Variants in BACH2 observed in about 807,000 individuals in gnomAD.
The protein encoded by BACH2 is BACH transcriptional regulator 2, also known as transcription regulator protein BACH2.
Under a neutral mutation model 61.8 loss-of-function variants are expected in BACH2, and 5 were observed. That is an observed-to-expected ratio of 0.08 (90% CI 0.04 to 0.17). The LOEUF (loss-of-function observed/expected upper bound fraction) is 0.17, where lower values mean the gene tolerates loss of function less well. Ranked by LOEUF, BACH2 falls within the 10% of genes least tolerant of loss-of-function variation. The probability of loss-of-function intolerance (pLI) is 1.00; values close to 1 mark genes in which losing one functional copy is unlikely to be tolerated. For missense variants in BACH2, 824 were observed against 1,091.1 expected (o/e 0.76, Z 3.45); for synonymous variants, 446 against 440.1 (o/e 1.01, Z -0.17).
chr6:90,263,149 C>G (rs1436960704), intron 2 of BACH2, among the ~76,000 whole-genome samples: 5 of 152,096 alleles, frequency 3.3e-5, no homozygotes, highest in Admixed American at 2.0e-4. Context: ...ATGCATCTCA[C>G]CCCTGATCAG....
chr6:90,030,463 T>TAA (rs1463265577), intron 5 of BACH2, among the ~76,000 whole-genome samples: 3 of 151,974 alleles, frequency 2.0e-5, no homozygotes, highest in Admixed American at 2.0e-4. Context: ...CTAGCAAGAC[T>TAA]AATCAAGAAG....
At chr6:90,046,910 T>C (rs982854051) in intron 5 of BACH2, among the ~76,000 whole-genome samples, 4 of 145,376 alleles carry the variant, frequency 2.8e-5, no homozygotes, top group Non-Finnish European at 4.5e-5. Flanking sequence ...CCCAGGCCAA[T>C]TGCCCATGTA....
intron 4 of BACH2, among the ~76,000 whole-genome samples, chr6:90,150,214 T>C (rs1168669739): frequency 6.6e-6 from 1 of 152,158 alleles, no homozygotes; most frequent in Non-Finnish European, 1.5e-5. Context: ...TATAATCACA[T>C]GCACTACTCT....
chr6:90,000,398 CT>C (rs769800347), intron 6 of BACH2, among the ~76,000 whole-genome samples: 1 of 152,064 alleles, frequency 6.6e-6, no homozygotes, highest in Non-Finnish European at 1.5e-5. Flanking sequence ...TATTTATTTG[CT>C]TTTTTTTCAT....
chr6:90,146,236 C>T (rs1784615192), intron 4 of BACH2, among the ~76,000 whole-genome samples: 1 of 152,204 alleles, frequency 6.6e-6, no homozygotes, highest in Non-Finnish European at 1.5e-5. Flanking sequence ...CTCTGTTGAA[C>T]TCTATGACAT....
intron 6 of BACH2, among the ~76,000 whole-genome samples, chr6:89,969,937 G>C (rs1489157000): frequency 1.3e-5 from 2 of 152,168 alleles, no homozygotes. Flanking sequence ...GTTAGAGTAA[G>C]AGAATTTTAG....
chr6:89,945,046 A>G (rs552792426), intron 7 of BACH2, among the ~76,000 whole-genome samples: 200 of 152,364 alleles, frequency 1.3e-3, no homozygotes, highest in African/African-American at 4.5e-3. Flanking sequence ...GATGCAGAGA[A>G]ACTGGATCCT....
intron 6 of BACH2, among the ~76,000 whole-genome samples, chr6:89,960,668 C>G (rs970087420): frequency 2.6e-5 from 4 of 152,222 alleles, no homozygotes; most frequent in Non-Finnish European, 4.4e-5. Context: ...CTACGAAGCC[C>G]TTTTACCACA....
intron 1 of BACH2, among the ~76,000 whole-genome samples, chr6:90,289,989 C>T (rs7742121): frequency 0.11 from 17,351 of 152,258 alleles, 1,083 homozygotes; most frequent in South Asian, 0.15. Flanking sequence ...ATGAACAGTA[C>T]TCTTGGCAGT....
intron 2 of BACH2, among the ~76,000 whole-genome samples, chr6:90,265,815 C>A (rs561217757): frequency 1.6e-4 from 24 of 152,252 alleles, no homozygotes; most frequent in East Asian, 5.8e-4. Flanking sequence ...ATGTCCTGGG[C>A]ACCAGATAGA....
intron 4 of BACH2, among the ~76,000 whole-genome samples, chr6:90,092,071 G>A (rs1782180645): frequency 6.6e-6 from 1 of 151,612 alleles, no homozygotes; most frequent in East Asian, 1.9e-4. Context: ...TTTCCAAAGG[G>A]CCTAACTGCT....
chr6:90,137,535 G>C (rs1784313257), intron 4 of BACH2, among the ~76,000 whole-genome samples: 1 of 152,102 alleles, frequency 6.6e-6, no homozygotes, highest in Non-Finnish European at 1.5e-5. Context: ...ACCAAACCAG[G>C]CTCCAGTCTC....
intron 3 of BACH2, among the ~76,000 whole-genome samples, chr6:90,244,555 G>A (rs1231005866): frequency 6.6e-6 from 1 of 152,158 alleles, no homozygotes. Context: ...TGCTTCTGGG[G>A]TCTCCATTTG....
chr6:90,270,245 T>A (rs1352662358), intron 2 of BACH2, among the ~76,000 whole-genome samples: 1 of 152,206 alleles, frequency 6.6e-6, no homozygotes, highest in Non-Finnish European at 1.5e-5. Flanking sequence ...GGGTAGATAA[T>A]AGTGGGATTG....
intron 4 of BACH2, among the ~76,000 whole-genome samples, chr6:90,093,424 G>A (rs547211636): frequency 6.6e-6 from 1 of 152,098 alleles, no homozygotes; most frequent in Non-Finnish European, 1.5e-5. Flanking sequence ...TACTAACACT[G>A]TTTAACACAA....
intron 3 of BACH2, among the ~76,000 whole-genome samples, chr6:90,237,615 C>G (rs1449456694): frequency 7.2e-6 from 1 of 138,902 alleles, no homozygotes; most frequent in Non-Finnish European, 1.7e-5. Context: ...ATTTACCAAA[C>G]CAATAGTTTA....
At chr6:90,157,794 ATCCACGATGG>A (rs1015188852) in intron 4 of BACH2, among the ~76,000 whole-genome samples, 3 of 152,194 alleles carry the variant, frequency 2.0e-5, no homozygotes, top group African/African-American at 7.2e-5. Flanking sequence ...CCCTGGAGAT[ATCCACGATGG>A]TCATTTGAAA....
chr6:90,042,743 C>T (rs1366412088), intron 5 of BACH2, among the ~76,000 whole-genome samples: 1 of 152,222 alleles, frequency 6.6e-6, no homozygotes, highest in Non-Finnish European at 1.5e-5. Flanking sequence ...TCAAAACATA[C>T]ATACCTATAA....
chr6:90,158,555 G>A (rs967799263), intron 4 of BACH2, among the ~76,000 whole-genome samples: 2 of 152,110 alleles, frequency 1.3e-5, no homozygotes, highest in African/African-American at 2.4e-5. Flanking sequence ...CAGGAAGAGC[G>A]TGGCTTTGAG....
Sources: allele counts gnomAD v4.1 joint callset (sites outside exome capture counted in the v4.1 genomes callset), GRCh38; gene constraint gnomAD v4.1.1; transcripts MANE v1.5; gene names NCBI Gene and HGNC (gene_info 2026-07-23, HGNC 2026-07-21).